HNRNPA1L2: variants seen among roughly 807,000 people sequenced by gnomAD.
The protein encoded by HNRNPA1L2 is heterogeneous nuclear ribonucleoprotein A1 like 2.
HNRNPA1L2 carries 10 observed loss-of-function variants against 18.2 expected under a neutral mutation model. The ratio of observed to expected loss-of-function variants is 0.55; its 90% CI spans 0.34 to 0.93. The LOEUF is 0.93. HNRNPA1L2 is among the 40% of genes least tolerant of loss of function. The pLI, the probability that HNRNPA1L2 is intolerant of heterozygous loss-of-function variation, is 0.02. For missense variants in HNRNPA1L2, 308 were observed against 394.4 expected, an observed-to-expected ratio of 0.78 and a Z score of 1.85; for synonymous variants, 124 against 138.6, an observed-to-expected ratio of 0.89 and a Z score of 0.74.
upstream of HNRNPA1L2, chr13:52,640,754 G>A (rs1449256153): frequency 6.6e-6 from 1 of 152,174 alleles, no homozygotes; most frequent in Admixed American, 6.5e-5. Flanking sequence ...TAGACTAAAG[G>A]GATCAGTATT....
At chr13:52,625,817 G>C in the HNRNPA1L2 span, among the ~76,000 whole-genome samples, 3 of 151,932 alleles carry the variant, frequency 2.0e-5, no homozygotes, top group Admixed American at 1.3e-4. Flanking sequence ...TTGCTCTGTG[G>C]CCCATTCTGG....
chr13:52,625,201 GC>G, the HNRNPA1L2 span, among the ~76,000 whole-genome samples: 1 of 148,258 alleles, frequency 6.7e-6, no homozygotes, highest in Non-Finnish European at 1.5e-5. Context: ...TGCAACCTCC[GC>G]CTTCTAGGTT....
At chr13:52,626,859 TG>T in the HNRNPA1L2 span, among the ~76,000 whole-genome samples, 4 of 152,162 alleles carry the variant, frequency 2.6e-5, no homozygotes, top group East Asian at 7.7e-4. Context: ...AGGCAATTGT[TG>T]TCTTGATTGT....
At chr13:52,618,837 G>A in the HNRNPA1L2 span, among the ~76,000 whole-genome samples, 1 of 152,140 alleles carries the variant, frequency 6.6e-6, no homozygotes, top group South Asian at 2.1e-4. Context: ...GGGAGGTTAG[G>A]TTTAGAATTT....
the HNRNPA1L2 span, among the ~76,000 whole-genome samples, chr13:52,630,300 G>T: frequency 6.6e-6 from 1 of 151,960 alleles, no homozygotes. Context: ...TTTTTGAGAC[G>T]GAGTCTCACT....
the HNRNPA1L2 span, among the ~76,000 whole-genome samples, chr13:52,621,331 A>G: frequency 1.3e-5 from 2 of 152,310 alleles, no homozygotes; most frequent in South Asian, 4.1e-4. Context: ...TTATGGGTTA[A>G]GTGGCATGTA....
At chr13:52,619,938 AAAAAAGAATAATAATTATTT>A in the HNRNPA1L2 span, among the ~76,000 whole-genome samples, 1 of 151,176 alleles carries the variant, frequency 6.6e-6, no homozygotes, top group Non-Finnish European at 1.5e-5. Flanking sequence ...AAAAAAAAAA[AAAAAAGAATAATAATTATTT>A]TCTTAGATTG....
chr13:52,622,892 C>A, the HNRNPA1L2 span, among the ~76,000 whole-genome samples: 1 of 151,622 alleles, frequency 6.6e-6, no homozygotes, highest in Non-Finnish European at 1.5e-5. Context: ...TGATGTATTT[C>A]AGGGATGTCA....
upstream of HNRNPA1L2, among the ~76,000 whole-genome samples, chr13:52,639,972 A>G (rs1189942545): frequency 6.7e-6 from 1 of 149,424 alleles, no homozygotes; most frequent in Non-Finnish European, 1.5e-5. Context: ...GCTCACTGCA[A>G]CTGTCACCTC....
chr13:52,627,279 G>A, the HNRNPA1L2 span, among the ~76,000 whole-genome samples: 3 of 152,144 alleles, frequency 2.0e-5, no homozygotes, highest in Non-Finnish European at 2.9e-5. Context: ...GTACCTAATA[G>A]TTGAGAATTC....
upstream of HNRNPA1L2, among the ~76,000 whole-genome samples, chr13:52,638,704 A>G (rs1961543771): frequency 6.6e-6 from 1 of 152,236 alleles, no homozygotes; most frequent in Non-Finnish European, 1.5e-5. Context: ...TTTCATTCTA[A>G]GTAACCAAAT....
At chr13:52,639,904 T>TTTTTTTG (rs1961600707), upstream of HNRNPA1L2, among the ~76,000 whole-genome samples, 1 of 140,676 alleles carries the variant, frequency 7.1e-6, no homozygotes, top group East Asian at 2.1e-4. Context: ...TTGTTTTTTT[T>TTTTTTTG]TTTTTGAGAT....
chr13:52,624,107 A>ATTTTG, the HNRNPA1L2 span, among the ~76,000 whole-genome samples: 2 of 152,024 alleles, frequency 1.3e-5, no homozygotes, highest in Admixed American at 1.3e-4. Flanking sequence ...AGGAAGTTGT[A>ATTTTG]TTTTGTTTTG....
chr13:52,636,130 C>T, the HNRNPA1L2 span, among the ~76,000 whole-genome samples: 16 of 152,218 alleles, frequency 1.1e-4, no homozygotes, highest in Admixed American at 7.8e-4. Context: ...CTACCGTGCC[C>T]GGCTGATGTA....
the HNRNPA1L2 span, among the ~76,000 whole-genome samples, chr13:52,619,674 C>T: frequency 2.0e-5 from 3 of 151,936 alleles, no homozygotes; most frequent in Admixed American, 2.0e-4. Flanking sequence ...GTAATCCCAA[C>T]ACTTTGGGAG....
Position 52,642,609 on chromosome 13 carries a change from G to T in HNRNPA1L2, c.117G>T (p.Thr39=). Residue 39 remains threonine (T), a synonymous_variant, in exon 1 of 1, where the codon ACG becomes ACT. Coordinates refer to ENST00000357495, the MANE Select transcript of HNRNPA1L2 (RefSeq NM_001389320.1). The stretch of plus-strand genomic sequence containing the variant: ...GGAGCCATTTTGAGCAATGGGGAAC[G>T]CTCACAGACTGTGTGGTAATGAGAG... ...SLRSHFEQWG[T]LTDCVVMRDP... 6.8e-6 allele frequency: 11 copies of T among 1,611,880 alleles called. No individual in the cohort carries two copies. The highest frequency in any genetic ancestry group is 9.3e-6 in the Non-Finnish European group (11 of 1,179,858).
At chr13:52,628,482 A>AT in the HNRNPA1L2 span, among the ~76,000 whole-genome samples, 1 of 152,122 alleles carries the variant, frequency 6.6e-6, no homozygotes, top group Non-Finnish European at 1.5e-5. Context: ...AACCATAAAT[A>AT]TCTGTACTGT....
chr13:52,620,066 A>G, the HNRNPA1L2 span, among the ~76,000 whole-genome samples: 3 of 151,964 alleles, frequency 2.0e-5, no homozygotes, highest in Non-Finnish European at 2.9e-5. Context: ...GCCTGATTTG[A>G]TAGCCTCTGA....
upstream of HNRNPA1L2, among the ~76,000 whole-genome samples, chr13:52,637,632 C>A (rs142152548): frequency 6.6e-6 from 1 of 152,066 alleles, no homozygotes; most frequent in Non-Finnish European, 1.5e-5. Context: ...AATTCAAAAA[C>A]CAAATTTTGA....
Sources: allele counts gnomAD v4.1 joint callset (sites outside exome capture counted in the v4.1 genomes callset), GRCh38; gene constraint gnomAD v4.1.1; transcripts MANE v1.5; gene names NCBI Gene and HGNC (gene_info 2026-07-23, HGNC 2026-07-21).